The following SOAT1 variants were observed in gnomAD, a reference collection of about 807,000 sequenced individuals.
SOAT1 encodes the protein acyl-coenzyme A:cholesterol acyltransferase 1.
Under a neutral mutation model 69.5 loss-of-function variants are expected in SOAT1, and 55 were observed. The observed-to-expected ratio is 0.79, with a 90% CI of 0.64 to 0.99. The LOEUF (loss-of-function observed/expected upper bound fraction) is 0.99, where lower values mean the gene tolerates loss of function less well. SOAT1 is among the 50% of genes least tolerant of loss of function. The probability of loss-of-function intolerance (pLI) is 0.00; values close to 1 mark genes in which losing one functional copy is unlikely to be tolerated. For missense variants in SOAT1, 580 were observed against 669.3 expected (o/e 0.87, Z 1.47); for synonymous variants, 231 against 224.7 (o/e 1.03, Z -0.25).
intron 3 of SOAT1, among the ~76,000 whole-genome samples, chr1:179,332,609 C>T (rs1666007472): frequency 6.6e-6 from 1 of 152,082 alleles, no homozygotes; most frequent in Admixed American, 6.6e-5. Context: ...CTAGGGCTGT[C>T]AGAGTCCACT....
chr1:179,300,217 A>G (rs1301505625), intron 1 of SOAT1, among the ~76,000 whole-genome samples: 1 of 150,724 alleles, frequency 6.6e-6, no homozygotes, highest in Non-Finnish European at 1.5e-5. Flanking sequence ...TTCCTCTCTT[A>G]CTGAAACATC....
At chr1:179,333,907 T>G (rs1666059738) in intron 3 of SOAT1, among the ~76,000 whole-genome samples, 1 of 151,924 alleles carries the variant, frequency 6.6e-6, no homozygotes, top group African/African-American at 2.4e-5. Flanking sequence ...TGAATAATAT[T>G]CAGGACTGTC....
chr1:179,309,158 A>G (rs1665132898), intron 2 of SOAT1, among the ~76,000 whole-genome samples: 1 of 152,160 alleles, frequency 6.6e-6, no homozygotes, highest in Non-Finnish European at 1.5e-5. Context: ...ATCTTGGCTC[A>G]CTACAACCTC....
Position 179,347,673 on chromosome 1 carries a change from C to T in SOAT1, c.1191C>T (p.Arg397=). ...TCAATGCCTTTGCTGAGATGTTACGCTTTGGTGACAGGATGTTCTATAAGG... is the reference window on the plus strand; with the variant it reads ...TCAATGCCTTTGCTGAGATGTTACGTTTTGGTGACAGGATGTTCTATAAGG... ...CWLNAFAEML[R]FGDRMFYKDW... The change falls in exon 12 of 16, where the codon CGC becomes CGT. Residue 397 remains arginine (R), a synonymous_variant. Coordinates refer to ENST00000367619, the MANE Select transcript of SOAT1 (RefSeq NM_003101.6). 6.2e-7 allele frequency: 1 copy of T among 1,611,622 alleles called. No homozygotes were observed. Among genetic ancestry groups the T allele is most frequent in the Non-Finnish European group, 8.5e-7 (1 of 1,177,930 alleles).
At chr1:179,331,184 A>C (rs1665959206) in intron 3 of SOAT1, among the ~76,000 whole-genome samples, 1 of 152,170 alleles carries the variant, frequency 6.6e-6, no homozygotes, top group Non-Finnish European at 1.5e-5. Context: ...TCTCTAGTCT[A>C]TTTTGAATAA....
intron 11 of SOAT1, among the ~76,000 whole-genome samples, chr1:179,346,222 C>A (rs2152319): frequency 0.56 from 84,901 of 151,950 alleles, 24,276 homozygotes; most frequent in East Asian, 0.88. Context: ...GTCTTCCTCA[C>A]TAGCTGCAAA....
At position 179,350,272 on chromosome 1, in the gene SOAT1, T is replaced by C. The variant is rs772097513; in HGVS notation, c.1315-24T>C. Reference sequence around the variant, plus strand: ...TGCTTTAAATTTTTAAAAATTACTTTGTAGTGTTTTCCTTTTTCTTTAGTT... The same window carrying C: ...TGCTTTAAATTTTTAAAAATTACTTCGTAGTGTTTTCCTTTTTCTTTAGTT... On this transcript the variant is annotated intron_variant, in intron 13 of 15. Transcript: ENST00000367619. The C allele has an allele frequency of 1.9e-6, 3 of 1,602,900 alleles. No homozygotes were observed. The East Asian group carries it at 6.7e-5, about 36-fold the overall frequency.
intron 15 of SOAT1, 25 bp downstream of exon 15, chr1:179,351,487 G>A: frequency 6.2e-7 from 1 of 1,608,746 alleles, no homozygotes; most frequent in Non-Finnish European, 8.5e-7. Flanking sequence ...TGGTTGGAGT[G>A]CAAAAGAACC....
In SOAT1 at chr1:179,323,435, A is replaced by G; in HGVS notation, c.119-2A>G. On this transcript the variant is annotated splice_acceptor_variant, in intron 2 of 15. Transcript: ENST00000367619. LOFTEE classifies it high-confidence loss of function. ...AAAAGTCATGTTTTTTTCTTCCCGT[A>G]GGTCGAATTGACATAAAACAGTTGA... The G allele has an allele frequency of 6.2e-7, 1 of 1,613,438 alleles. No individual in the cohort carries two copies. Among genetic ancestry groups the G allele is most frequent in the Non-Finnish European group, 8.5e-7 (1 of 1,179,648 alleles).
chr1:179,317,641 GTTT>G (rs34050254), intron 2 of SOAT1, among the ~76,000 whole-genome samples: 3 of 142,848 alleles, frequency 2.1e-5, no homozygotes. Flanking sequence ...ATCATCATAG[GTTT>G]TTTTTTTTTT....
In SOAT1 at chr1:179,342,881, A is replaced by G. The variant is rs1417327137; in HGVS notation, c.879A>G (p.Thr293=). The G allele has an allele frequency of 6.2e-7, 1 of 1,613,468 alleles. No homozygotes were observed. Among genetic ancestry groups the G allele is most frequent in the African/African-American group, 1.3e-5 (1 of 74,938 alleles). Residue 293 remains threonine (T), a synonymous_variant, in exon 9 of 16, where the codon ACA becomes ACG. Coordinates refer to ENST00000367619, the MANE Select transcript of SOAT1 (RefSeq NM_003101.6). ...KEKSSTVPIP[T]VNQYLYFLFA... ...TTCTAGGCACTGTTCCAATACCTAC[A>G]GTCAACCAGTATTTGTACTTCTTAT...
chr1:179,346,082 T>G (rs1666524239), intron 11 of SOAT1, among the ~76,000 whole-genome samples: 1 of 152,210 alleles, frequency 6.6e-6, no homozygotes, highest in Non-Finnish European at 1.5e-5. Context: ...TAATGTTTTC[T>G]GTCATCACCT....
Position 179,356,334 on chromosome 1 carries a change from C to T in SOAT1, c.*2693C>T, listed in dbSNP as rs919358229. 3 of 151,884 alleles carry T rather than the reference C, an allele frequency of 2.0e-5. No homozygotes were observed. Among genetic ancestry groups the T allele is most frequent in the African/African-American group, 7.3e-5 (3 of 41,338 alleles). 9.4% of individuals were successfully genotyped at this position (151,884 alleles called of 1,614,324 possible). ...TGTGTGAGGATAAATTTGTTAGATC[C>T]TTTTATTCTCAATCTTGGATAATGA... On this transcript the variant is annotated 3_prime_UTR_variant, in exon 16 of 16. Coordinates refer to ENST00000367619, the MANE Select transcript of SOAT1 (RefSeq NM_003101.6).
Position 179,339,428 on chromosome 1 carries a change from A to G in SOAT1, c.390-10A>G, listed in dbSNP as rs747407135. 2.4e-5 allele frequency: 37 copies of G among 1,557,176 alleles called. 1 individual carries two copies. The South Asian group carries it at 4.2e-4, about 18-fold the overall frequency. On this transcript the variant is annotated splice_polypyrimidine_tract_variant and intron_variant, in intron 5 of 15. Transcript: ENST00000367619. The stretch of plus-strand genomic sequence containing the variant: ...ATTATTAACTTGTTTTGTTTGAACT[A>G]CATTTACAGTGAACTGCTTGAAGTG...
intron 15 of SOAT1, among the ~76,000 whole-genome samples, chr1:179,351,721 ATTT>A (rs71901753): frequency 9.4e-6 from 1 of 106,454 alleles, no homozygotes. Context: ...GCCCCTTCTA[ATTT>A]TTTTTTTTTT....
chr1:179,295,518 C>T (rs1664601325), intron 1 of SOAT1, among the ~76,000 whole-genome samples: 1 of 152,030 alleles, frequency 6.6e-6, no homozygotes, highest in South Asian at 2.1e-4. Context: ...AGCACTTGGC[C>T]CAGAGAAAGA....
intron 3 of SOAT1, among the ~76,000 whole-genome samples, chr1:179,326,811 C>T (rs1159936443): frequency 2.6e-5 from 4 of 152,016 alleles, no homozygotes; most frequent in African/African-American, 7.3e-5. Context: ...CACCCCACCT[C>T]GGCCTCCCAA....
chr1:179,341,311 G>A lies in SOAT1; in HGVS notation c.780+1G>A, dbSNP rs756099663. ...CCGGTTCATCATTATATTCGAGCAG[G>A]TAAGGTTTTAAGTGTTACCCAAGGC... is the stretch of plus-strand genomic sequence containing the variant. On this transcript the variant is annotated splice_donor_variant, in intron 7 of 15. Coordinates refer to ENST00000367619, the MANE Select transcript of SOAT1 (RefSeq NM_003101.6). LOFTEE classifies it high-confidence loss of function. 7 of 1,613,522 alleles carry A rather than the reference G, an allele frequency of 4.3e-6. No individual in the cohort carries two copies. The highest frequency in any genetic ancestry group is 4.2e-6 in the Non-Finnish European group (5 of 1,179,822).
At chr1:179,317,847 T>C (rs1665451290) in intron 2 of SOAT1, among the ~76,000 whole-genome samples, 1 of 152,144 alleles carries the variant, frequency 6.6e-6, no homozygotes, top group South Asian at 2.1e-4. Flanking sequence ...AGTATCTCAT[T>C]ATTCACAAAC....
Sources: gnomAD v4.1 joint callset for allele counts (sites outside exome capture counted in the v4.1 genomes callset) on GRCh38, gnomAD v4.1.1 for gene constraint, MANE v1.5 for transcripts, NCBI Gene and HGNC (gene_info 2026-07-23, HGNC 2026-07-21) for gene names.